The following AP5Z1 variants were observed in gnomAD, a reference collection of about 807,000 sequenced individuals.
AP5Z1 encodes AP-5 complex subunit zeta-1.
Under a neutral mutation model 83.0 loss-of-function variants are expected in AP5Z1, and 106 were observed. The ratio of observed to expected loss-of-function variants is 1.28; its 90% CI spans 1.09 to 1.50. The LOEUF (loss-of-function observed/expected upper bound fraction) is 1.50, where lower values mean the gene tolerates loss of function less well. AP5Z1 is among the 40% of genes most tolerant of loss of function. AP5Z1 has a pLI of 0.00. For missense variants in AP5Z1, 1,565 were observed against 1,094.2 expected, an observed-to-expected ratio of 1.43 and a Z score of -6.07; for synonymous variants, 751 against 514.1, an observed-to-expected ratio of 1.46 and a Z score of -6.23.
At chr7:4,781,061 C>T (rs1781367222) in intron 1 of AP5Z1, 114 bp from the exon 2 acceptor site, 3 of 1,370,044 alleles carry the variant, frequency 2.2e-6, no homozygotes, top group African/African-American at 1.5e-5. Context: ...CGTGTTCCTC[C>T]ACACACTCGG....
intron 1 of AP5Z1, among the ~76,000 whole-genome samples, chr7:4,778,831 CAT>C (rs1302399333): frequency 7.4e-6 from 1 of 135,302 alleles, no homozygotes; most frequent in Non-Finnish European, 1.6e-5. Flanking sequence ...TATTATATAT[CAT>C]TATATATAAT....
In AP5Z1 at chr7:4,793,320, CTTAGAAACA is replaced by C. The variant is rs1220631528; in HGVS notation, c.*1939_*1947del. The C allele has an allele frequency of 2.6e-5, 4 of 152,232 alleles. No homozygotes were observed. Among genetic ancestry groups the C allele is most frequent in the Non-Finnish European group, 5.9e-5 (4 of 68,050 alleles). The allele number at this position is 152,232 out of a possible 1,614,324, so 9.4% of individuals were successfully genotyped here. A position where few individuals can be genotyped will look rare whatever the true frequency, so the allele number is the denominator to read the frequency against. On this transcript the variant is annotated 3_prime_UTR_variant, in exon 17 of 17. Transcript: ENST00000649063. ...CAGATTTACAGAAAAGATGATAAACCTTAGAAACATTATATGCTAAGTGAAAGTGAGAAG... is the reference window on the plus strand; with the variant it reads ...CAGATTTACAGAAAAGATGATAAACCTTATATGCTAAGTGAAAGTGAGAAG...
chr7:4,776,316 C>G (rs1179601793), intron 1 of AP5Z1, among the ~76,000 whole-genome samples: 1 of 152,044 alleles, frequency 6.6e-6, no homozygotes, highest in African/African-American at 2.4e-5. Flanking sequence ...GAGTGAGTAG[C>G]TCCTTCCTCA....
chr7:4,784,091 C>G (rs1015468255), intron 5 of AP5Z1, 112 bp from the exon 6 acceptor site: 18 of 1,322,058 alleles, frequency 1.4e-5, no homozygotes, highest in South Asian at 5.9e-5. Context: ...GGCCGCTGCC[C>G]GGGCTCATGT....
intron 12 of AP5Z1, chr7:4,788,568 C>T: frequency 2.0e-6 from 1 of 509,720 alleles, no homozygotes; most frequent in Non-Finnish European, 3.4e-6. Flanking sequence ...GATGGACAAA[C>T]CGAGCCTGAG....
At chr7:4,790,011 C>T in intron 14 of AP5Z1, 82 bp downstream of exon 14, 4 of 972,304 alleles carry the variant, frequency 4.1e-6, no homozygotes, top group Non-Finnish European at 5.6e-6. Flanking sequence ...CCCTCCCCTT[C>T]AGTGGCTTCG....
At chr7:4,787,250 C>T (rs889127615) in intron 10 of AP5Z1, among the ~76,000 whole-genome samples, 1 of 151,874 alleles carries the variant, frequency 6.6e-6, no homozygotes, top group Non-Finnish European at 1.5e-5. Flanking sequence ...CCCAGCACCT[C>T]GGGAGGCCAA....
In AP5Z1 at chr7:4,793,455, A is replaced by C. The variant is rs1781850015; in HGVS notation, c.*2070A>C. The stretch of plus-strand genomic sequence containing the variant: ...CACTTGAGGAGCCCTTCAGCCCGCC[A>C]CTGCACTGTGGGAGCCCCTTTCAGG... On this transcript the variant is annotated 3_prime_UTR_variant, in exon 17 of 17. Coordinates refer to ENST00000649063, the MANE Select transcript of AP5Z1 (RefSeq NM_014855.3). 1 of 152,678 alleles carries C rather than the reference A, an allele frequency of 6.5e-6. No homozygotes were observed. Among genetic ancestry groups the C allele is most frequent in the African/African-American group, 2.4e-5 (1 of 41,454 alleles). 9.5% of individuals were successfully genotyped at this position (152,678 alleles called of 1,614,324 possible). A position where few individuals can be genotyped will look rare whatever the true frequency, so the allele number is the denominator to read the frequency against.
intron 13 of AP5Z1, 33 bp from the exon 14 acceptor site, chr7:4,789,799 G>T: frequency 1.3e-6 from 2 of 1,532,854 alleles, no homozygotes; most frequent in Non-Finnish European, 8.8e-7. Context: ...AGTGGGGGTG[G>T]GGCTGAGCCT....
intron 3 of AP5Z1, among the ~76,000 whole-genome samples, chr7:4,782,955 T>C (rs114636789): frequency 0.017 from 2,516 of 152,294 alleles, 66 homozygotes; most frequent in African/African-American, 0.057. Flanking sequence ...CACCTGGGTG[T>C]GCAGAGTGAG....
In AP5Z1 at chr7:4,785,046, G is replaced by C. The variant is rs745977162; in HGVS notation, c.929G>C (p.Arg310Pro). The C allele has an allele frequency of 5.6e-6, 9 of 1,596,224 alleles. No homozygotes were observed. The highest frequency in any genetic ancestry group is 1.3e-5 in the African/African-American group (1 of 74,686). Residue 310 changes from arginine to proline, a missense_variant and splice_region_variant, in exon 7 of 17, where the codon CGA (arginine) becomes CCA (proline). Coordinates refer to ENST00000649063, the MANE Select transcript of AP5Z1 (RefSeq NM_014855.3). ...CAGCGCCTCATTGAGCAAAGTAACC[G>C]ACGTGAGTCCCCCACCCAGGGCACT... ...YCQRLIEQSNRRALRKGDSDL... is the reference protein window; with the variant it reads ...YCQRLIEQSNPRALRKGDSDL...
chr7:4,776,354 G>A (rs1781225202), intron 1 of AP5Z1, among the ~76,000 whole-genome samples: 1 of 152,012 alleles, frequency 6.6e-6, no homozygotes, highest in Non-Finnish European at 1.5e-5. Flanking sequence ...GGGGAAAACA[G>A]TGTAAGCCAG....
chr7:4,789,891 G>T lies in AP5Z1; in HGVS notation c.1767G>T (p.Ser589=), dbSNP rs369091114. 5.8e-6 allele frequency: 9 copies of T among 1,551,162 alleles called. No homozygotes were observed. In the East Asian group the frequency reaches 2.2e-4, roughly 38 times the overall value. Residue 589 remains serine, a synonymous_variant, in exon 14 of 17, where the codon TCG becomes TCT. Transcript: ENST00000649063. ...LALLLLGRSD[S]LYPAPGYAAG... ...TGCTGCTCCTGGGCAGGAGCGACTC[G>T]CTCTACCCGGCCCCAGGGTACGCTG...
intron 1 of AP5Z1, among the ~76,000 whole-genome samples, chr7:4,779,022 C>T (rs963338405): frequency 1.4e-5 from 2 of 145,442 alleles, no homozygotes; most frequent in African/African-American, 5.0e-5. Flanking sequence ...CAGCATAAGA[C>T]TCTATCTCAA....
At chr7:4,785,335 C>A (rs1317441567) in intron 7 of AP5Z1, 80 bp from the exon 8 acceptor site, 1 of 1,543,506 alleles carries the variant, frequency 6.5e-7, no homozygotes, top group Non-Finnish European at 8.8e-7. Context: ...CTGCCTGGAG[C>A]TTCCAGAGCA....
chr7:4,785,500 T>C (rs1781513322), intron 8 of AP5Z1, 22 bp from the exon 9 acceptor site: 3 of 1,613,222 alleles, frequency 1.9e-6, no homozygotes, highest in African/African-American at 2.7e-5. Context: ...TCGGCCCATT[T>C]GATGTGGTCC....
chr7:4,784,832 C>T, intron 6 of AP5Z1, 76 bp from the exon 7 acceptor site: 1 of 1,523,844 alleles, frequency 6.6e-7, no homozygotes, highest in Non-Finnish European at 8.9e-7. Context: ...TCCTCCTGCC[C>T]TTCCAAGCAG....
chr7:4,786,476 C>A lies in AP5Z1; in HGVS notation c.1311+48C>A, dbSNP rs773141544. 4 of 1,600,996 alleles carry A rather than the reference C, an allele frequency of 2.5e-6. No homozygotes were observed. The South Asian group carries it at 4.4e-5, about 18-fold the overall frequency. On this transcript the variant is annotated intron_variant, in intron 10 of 16. Transcript: ENST00000649063. ...GCCAGGGCAGGGGCATGGTAAGTCC[C>A]TGGGGCTCCTCCCCTCTTTCCAGCG...
intron 2 of AP5Z1, 70 bp downstream of exon 2, chr7:4,781,382 A>C: frequency 2.5e-6 from 4 of 1,603,692 alleles, no homozygotes; most frequent in Non-Finnish European, 8.5e-7. Flanking sequence ...CACGCCCAGC[A>C]GGTCACTGCA....
Sources: gnomAD v4.1 joint callset for allele counts (sites outside exome capture counted in the v4.1 genomes callset) on GRCh38, gnomAD v4.1.1 for gene constraint, MANE v1.5 for transcripts, NCBI Gene and HGNC (gene_info 2026-07-23, HGNC 2026-07-21) for gene names.